RPL11: variants seen among roughly 807,000 people sequenced by gnomAD.
The protein encoded by RPL11 is large ribosomal subunit protein uL5.
A neutral mutation model predicts 24.1 loss-of-function variants in RPL11; 3 were observed. The ratio of observed to expected loss-of-function variants is 0.12; its 90% CI spans 0.06 to 0.32. The LOEUF (loss-of-function observed/expected upper bound fraction) is 0.32, where lower values mean the gene tolerates loss of function less well. Ranked by LOEUF, RPL11 falls within the 10% of genes least tolerant of loss-of-function variation. The probability of loss-of-function intolerance (pLI) is 1.00; values close to 1 mark genes in which losing one functional copy is unlikely to be tolerated. For missense variants in RPL11, 146 were observed against 225.7 expected, an observed-to-expected ratio of 0.65 and a Z score of 2.26; for synonymous variants, 96 against 75.7, an observed-to-expected ratio of 1.27 and a Z score of -1.39.
intron 2 of RPL11, among the ~76,000 whole-genome samples, chr1:23,693,412 C>G (rs1644513430): frequency 6.6e-6 from 1 of 152,192 alleles, no homozygotes; most frequent in Non-Finnish European, 1.5e-5. Context: ...TAATAAACCT[C>G]TCAAAACCTC....
In RPL11 at chr1:23,692,625, A is replaced by G. The variant is rs760498453; in HGVS notation, c.23A>G (p.Lys8Arg). Residue 8 changes from lysine (K) to arginine (R), a missense_variant, in exon 2 of 6, where the codon AAG (lysine) becomes AGG (arginine). Coordinates refer to ENST00000643754, the MANE Select transcript of RPL11 (RefSeq NM_000975.5). MAQDQGE[K>R]ENPMRELRIR... ...CTGTTGCAGCAGGATCAAGGTGAAA[A>G]GGAGAACCCCATGCGGGAACTTCGC... The G allele has an allele frequency of 3.7e-6, 6 of 1,614,170 alleles. No individual in the cohort carries two copies. The highest frequency in any genetic ancestry group is 1.7e-4 in the Middle Eastern group (1 of 6,060).
intron 4 of RPL11, chr1:23,695,465 T>C (rs1208967965): frequency 2.7e-6 from 1 of 365,976 alleles, no homozygotes; most frequent in Non-Finnish European, 5.3e-6. Context: ...GTATGTTTTC[T>C]ACACTGCTGG....
intron 1 of RPL11, 63 bp from the exon 2 acceptor site, chr1:23,692,546 A>G: frequency 6.2e-7 from 1 of 1,600,520 alleles, no homozygotes; most frequent in Non-Finnish European, 8.6e-7. Flanking sequence ...GTGCAGATAG[A>G]AAGTAGTAAA....
Position 23,692,763 on chromosome 1 carries a change from A to T in RPL11, c.157+4A>T. 1 of 1,613,128 alleles carries T rather than the reference A, an allele frequency of 6.2e-7. No homozygotes were observed. Among genetic ancestry groups the T allele is most frequent in the Non-Finnish European group, 8.5e-7 (1 of 1,179,884 alleles). ...CAGACCCCTGTGTTTTCCAAAGGTGAGTAGTCACAAGGACATACAGGGTTT... is the reference window on the plus strand; with the variant it reads ...CAGACCCCTGTGTTTTCCAAAGGTGTGTAGTCACAAGGACATACAGGGTTT... On this transcript the variant is annotated splice_donor_region_variant and intron_variant, in intron 2 of 5. Transcript: ENST00000643754.
chr1:23,694,663 C>A lies in RPL11; in HGVS notation c.268C>A (p.Arg90=), dbSNP rs753639398. The A allele has an allele frequency of 1.2e-6, 2 of 1,613,622 alleles. No individual in the cohort carries two copies. Among genetic ancestry groups the A allele is most frequent in the Non-Finnish European group, 1.7e-6 (2 of 1,179,862 alleles). The change falls in exon 4 of 6, where the codon CGG becomes AGG. Residue 90 remains arginine (R), a synonymous_variant. Transcript: ENST00000643754. The part of the protein sequence containing the change: ...EEILEKGLKV[R]EYELRKNNFS... ...ATTGCTGCATTTTTCTCCACAGGTG[C>A]GGGAGTATGAGTTAAGAAAAAACAA... is the stretch of plus-strand genomic sequence containing the variant.
intron 4 of RPL11, 28 bp from the exon 5 acceptor site, chr1:23,695,770 A>C (rs755941072): frequency 2.2e-5 from 34 of 1,557,260 alleles, no homozygotes; most frequent in Non-Finnish European, 2.8e-5. Context: ...TGAGCTGGCT[A>C]GGTGACTGTT....
chr1:23,692,350 G>A (rs990808114), intron 1 of RPL11: 40 of 485,686 alleles, frequency 8.2e-5, no homozygotes, highest in Admixed American at 4.0e-4. Flanking sequence ...GCCTCTTAGG[G>A]TTCGATCTCA....
chr1:23,694,953 T>C (rs1644524631), intron 4 of RPL11, 162 bp downstream of exon 4: 3 of 1,083,730 alleles, frequency 2.8e-6, no homozygotes, highest in African/African-American at 1.6e-5. Context: ...TTGTGGCAAA[T>C]GTAGGGGTGC....
Position 23,696,433 on chromosome 1 carries a change from G to A in RPL11, c.*60G>A. The A allele has an allele frequency of 6.5e-7, 1 of 1,537,576 alleles. No individual in the cohort carries two copies. The highest frequency in any genetic ancestry group is 1.1e-5 in the South Asian group (1 of 89,130). On this transcript the variant is annotated 3_prime_UTR_variant, in exon 6 of 6. Coordinates refer to ENST00000643754, the MANE Select transcript of RPL11 (RefSeq NM_000975.5). ...TTTCAGTGAAATGTGCAATTCTGTT[G>A]TGTGTTCTGTGAAAGGATCCTGGCC...
At chr1:23,692,927 G>A (rs1421560608) in intron 2 of RPL11, among the ~76,000 whole-genome samples, 168 bp downstream of exon 2, 2 of 150,872 alleles carry the variant, frequency 1.3e-5, no homozygotes, top group Admixed American at 1.3e-4. Flanking sequence ...ATTCAAGATG[G>A]CGTGTGGGAT....
At chr1:23,693,217 C>T (rs1221752244) in intron 2 of RPL11, among the ~76,000 whole-genome samples, 1 of 152,146 alleles carries the variant, frequency 6.6e-6, no homozygotes, top group Non-Finnish European at 1.5e-5. Flanking sequence ...ATGGCTTCAC[C>T]ATTTGCTGGT....
intron 2 of RPL11, 44 bp from the exon 3 acceptor site, chr1:23,693,763 G>A (rs753870140): frequency 1.5e-6 from 2 of 1,301,330 alleles, no homozygotes; most frequent in Non-Finnish European, 2.2e-6. Context: ...TGAGTGTAGT[G>A]GGGGTATGAT....
chr1:23,692,449 T>C (rs1371892485), intron 1 of RPL11, 160 bp from the exon 2 acceptor site: 1 of 856,644 alleles, frequency 1.2e-6, no homozygotes, highest in African/African-American at 1.7e-5. Context: ...CCGAGCTGTC[T>C]TCTTCCCTTG....
intron 4 of RPL11, chr1:23,695,213 G>T: frequency 6.4e-6 from 2 of 311,814 alleles, no homozygotes; most frequent in Non-Finnish European, 6.2e-6. Flanking sequence ...TCAGGAAGGG[G>T]GTTTTAACAT....
At chr1:23,695,483 A>G (rs1644527902) in intron 4 of RPL11, 1 of 391,262 alleles carries the variant, frequency 2.6e-6, no homozygotes, top group Non-Finnish European at 4.9e-6. Flanking sequence ...TGGTGTGGCA[A>G]TAGATTTTTA....
intron 5 of RPL11, among the ~76,000 whole-genome samples, chr1:23,696,142 T>C (rs1377416230): frequency 1.3e-5 from 2 of 152,136 alleles, no homozygotes; most frequent in Non-Finnish European, 2.9e-5. Flanking sequence ...AATATGGCTT[T>C]TAACAGGAGC....
intron 1 of RPL11, 59 bp from the exon 2 acceptor site, chr1:23,692,550 T>C: frequency 6.2e-7 from 1 of 1,604,320 alleles, no homozygotes; most frequent in Non-Finnish European, 8.5e-7. Flanking sequence ...AGATAGAAAG[T>C]AGTAAAACTC....
At chr1:23,692,835 T>C (rs899072540) in intron 2 of RPL11, 76 bp downstream of exon 2, 1 of 1,592,868 alleles carries the variant, frequency 6.3e-7, no homozygotes, top group Non-Finnish European at 8.6e-7. Flanking sequence ...TGCTGTCGAG[T>C]CTGTTTAGAA....
intron 4 of RPL11, chr1:23,694,993 C>T: frequency 1.4e-6 from 1 of 739,502 alleles, no homozygotes; most frequent in East Asian, 2.8e-5. Context: ...AAGATCCCTG[C>T]TGTTGGGGAA....
Sources: gnomAD v4.1 joint callset for allele counts (sites outside exome capture counted in the v4.1 genomes callset) on GRCh38, gnomAD v4.1.1 for gene constraint, MANE v1.5 for transcripts, NCBI Gene and HGNC (gene_info 2026-07-23, HGNC 2026-07-21) for gene names.